ARL15: variants seen among roughly 807,000 people sequenced by gnomAD.
ARL15 encodes the protein ADP-ribosylation factor-like protein 15.
Under a neutral mutation model 25.2 loss-of-function variants are expected in ARL15, and 19 were observed. That is an observed-to-expected ratio of 0.75 (90% CI 0.53 to 1.10). ARL15 has a LOEUF of 1.10. ARL15 is among the 50% of genes least tolerant of loss of function. ARL15 has a pLI of 0.00. For missense variants in ARL15, 220 were observed against 246.0 expected (o/e 0.89, Z 0.71); for synonymous variants, 94 against 86.8 (o/e 1.08, Z -0.46).
At chr5:54,144,577 T>A (rs962682833) in intron 3 of ARL15, among the ~76,000 whole-genome samples, 1 of 152,344 alleles carries the variant, frequency 6.6e-6, no homozygotes, top group Non-Finnish European at 1.5e-5. Context: ...TTTCTTCTCA[T>A]TTTTCATTTG....
chr5:54,154,931 G>A (rs1291226884), intron 2 of ARL15, among the ~76,000 whole-genome samples: 1 of 152,070 alleles, frequency 6.6e-6, no homozygotes, highest in Non-Finnish European at 1.5e-5. Flanking sequence ...GACCATCCTG[G>A]GCAACATGGT....
chr5:53,999,697 G>A (rs1050764709), intron 4 of ARL15, among the ~76,000 whole-genome samples: 1 of 152,138 alleles, frequency 6.6e-6, no homozygotes, highest in Non-Finnish European at 1.5e-5. Context: ...CGGATCACCT[G>A]AAGTTGGGAG....
At chr5:54,112,934 C>A (rs1752782440) in intron 4 of ARL15, among the ~76,000 whole-genome samples, 1 of 152,076 alleles carries the variant, frequency 6.6e-6, no homozygotes. Flanking sequence ...GGCCTTTAGC[C>A]CCTCAAAATA....
chr5:54,187,785 G>A (rs1655157923), intron 1 of ARL15, among the ~76,000 whole-genome samples: 1 of 152,148 alleles, frequency 6.6e-6, no homozygotes, highest in South Asian at 2.1e-4. Context: ...CAGTTCTTAT[G>A]TTCATACTTG....
chr5:54,053,272 A>G (rs1750755714), intron 4 of ARL15, among the ~76,000 whole-genome samples: 1 of 152,202 alleles, frequency 6.6e-6, no homozygotes, highest in Non-Finnish European at 1.5e-5. Context: ...AAAACAAAGT[A>G]TAAAATAAAT....
chr5:54,203,212 A>C (rs1000172571), intron 1 of ARL15, among the ~76,000 whole-genome samples: 1 of 152,188 alleles, frequency 6.6e-6, no homozygotes, highest in Non-Finnish European at 1.5e-5. Flanking sequence ...TTCTTGGTGT[A>C]AACCTCAGAG....
chr5:53,958,279 GAAC>G (rs1375336432), intron 4 of ARL15, among the ~76,000 whole-genome samples: 1 of 151,906 alleles, frequency 6.6e-6, no homozygotes, highest in Non-Finnish European at 1.5e-5. Context: ...TAATTTATGA[GAAC>G]AACATAAAGA....
At chr5:54,084,145 G>A (rs1751884163) in intron 4 of ARL15, among the ~76,000 whole-genome samples, 1 of 152,182 alleles carries the variant, frequency 6.6e-6, no homozygotes, top group Admixed American at 6.5e-5. Context: ...AAGGGCAGGG[G>A]CACTGCAGGC....
At chr5:54,274,097 G>A (rs1417211587) in intron 1 of ARL15, among the ~76,000 whole-genome samples, 2 of 152,150 alleles carry the variant, frequency 1.3e-5, no homozygotes, top group African/African-American at 4.8e-5. Context: ...CGTGAGGCAG[G>A]GGAGTGCTGT....
At chr5:53,958,030 T>A (rs1208545740) in intron 4 of ARL15, among the ~76,000 whole-genome samples, 1 of 151,666 alleles carries the variant, frequency 6.6e-6, no homozygotes, top group Non-Finnish European at 1.5e-5. Flanking sequence ...GCCAACATGG[T>A]GAAAACCCAT....
chr5:54,114,712 T>C (rs1752849930), intron 3 of ARL15, among the ~76,000 whole-genome samples: 1 of 152,194 alleles, frequency 6.6e-6, no homozygotes, highest in Non-Finnish European at 1.5e-5. Context: ...TTGCATGAGT[T>C]AGCAGACAAC....
intron 4 of ARL15, among the ~76,000 whole-genome samples, chr5:53,940,628 C>T (rs1746511185): frequency 6.6e-6 from 1 of 152,136 alleles, no homozygotes; most frequent in African/African-American, 2.4e-5. Context: ...ATAAAAGTCA[C>T]ATGGCATTTT....
At chr5:54,250,331 A>G (rs1280705455) in intron 1 of ARL15, among the ~76,000 whole-genome samples, 3 of 152,164 alleles carry the variant, frequency 2.0e-5, no homozygotes, top group Non-Finnish European at 4.4e-5. Flanking sequence ...ACACTTCAAC[A>G]TGAGACTTGG....
At chr5:54,211,898 A>G (rs1412986592) in intron 1 of ARL15, among the ~76,000 whole-genome samples, 1 of 152,192 alleles carries the variant, frequency 6.6e-6, no homozygotes, top group Non-Finnish European at 1.5e-5. Context: ...GAGCACACCT[A>G]CTTAACCAGA....
intron 4 of ARL15, among the ~76,000 whole-genome samples, chr5:53,911,183 T>G (rs1252508565): frequency 6.6e-6 from 1 of 152,186 alleles, no homozygotes; most frequent in Non-Finnish European, 1.5e-5. Flanking sequence ...ATTGTCTTGG[T>G]ATGAGAAGCT....
At chr5:54,062,094 G>A (rs1441617189) in intron 4 of ARL15, among the ~76,000 whole-genome samples, 1 of 152,220 alleles carries the variant, frequency 6.6e-6, no homozygotes, top group Non-Finnish European at 1.5e-5. Flanking sequence ...CAAGGGGCCT[G>A]TAGCCCTTTT....
chr5:54,165,738 T>TTATATATATATATATATATA (rs3063747), intron 2 of ARL15, among the ~76,000 whole-genome samples: 1 of 147,940 alleles, frequency 6.8e-6, no homozygotes, highest in East Asian at 2.0e-4. Context: ...ATACCTTTGT[T>TTATATATATATATATATATA]TATATATATA....
rs571595929 is a variant in ARL15, at chr5:54,231,009, T to C, written c.49-59081A>G. Among the ~76,000 whole-genome samples, 14 of 152,286 alleles carry C rather than the reference T, an allele frequency of 9.2e-5. No homozygotes were observed. In the South Asian group the frequency reaches 2.9e-3, roughly 32 times the overall value. ...CATTTTTACCTAGATCAGTAGCCCA[T>C]TTCTCTCTCCTGCTCTCTGTTCCTC... On this transcript the variant is annotated intron_variant, in intron 1 of 4. Transcript: ENST00000504924.
intron 4 of ARL15, among the ~76,000 whole-genome samples, chr5:53,895,339 G>C (rs1016613162): frequency 2.6e-5 from 4 of 152,210 alleles, no homozygotes; most frequent in African/African-American, 9.6e-5. Flanking sequence ...TAGTCAAGCA[G>C]GCAGTAGGGT....
Sources: gnomAD v4.1 joint callset for allele counts (sites outside exome capture counted in the v4.1 genomes callset) on GRCh38, gnomAD v4.1.1 for gene constraint, MANE v1.5 for transcripts, NCBI Gene and HGNC (gene_info 2026-07-23, HGNC 2026-07-21) for gene names.